The following CCDC14 variants were observed in gnomAD, a reference collection of about 807,000 sequenced individuals.
CCDC14 encodes coiled-coil domain containing 14, also known as coiled-coil domain-containing protein 14.
A neutral mutation model predicts 81.4 loss-of-function variants in CCDC14; 71 were observed. The ratio of observed to expected loss-of-function variants is 0.87; its 90% CI spans 0.72 to 1.06. CCDC14 has a LOEUF of 1.06. CCDC14 is among the 50% of genes least tolerant of loss of function. The probability of loss-of-function intolerance (pLI) is 0.00; values close to 1 mark genes in which losing one functional copy is unlikely to be tolerated. For missense variants in CCDC14, 1,046 were observed against 1,047.3 expected (o/e 1.00, Z 0.02); for synonymous variants, 332 against 364.8 (o/e 0.91, Z 1.03).
chr3:123,935,351 G>A (rs2148875010), intron 9 of CCDC14, among the ~76,000 whole-genome samples: 1 of 152,268 alleles, frequency 6.6e-6, no homozygotes. Flanking sequence ...AGTTTGAAAT[G>A]TCCAACAAAA....
rs1334570371 is a variant in CCDC14 at position 123,913,728 on chromosome 3, G to C, written c.*1051C>G. The C allele has an allele frequency of 3.4e-5, 33 of 983,142 alleles. No homozygotes were observed. The highest frequency in any genetic ancestry group is 3.9e-5 in the Non-Finnish European group (32 of 829,646). The allele number at this position is 983,142 out of a possible 1,614,324, so 60.9% of individuals were successfully genotyped here. On this transcript the variant is annotated 3_prime_UTR_variant, in exon 13 of 13. Coordinates refer to ENST00000409697, the MANE Select transcript of CCDC14 (RefSeq NM_001366335.1). ...AAAACACGAGGAGGTTCTGGGATTA[G>C]GAGAACACTCTTTAATGATAAAGCC...
At chr3:123,907,299 T>C (rs1335283288) in intron 5 of CCDC14, among the ~76,000 whole-genome samples, 3 of 152,326 alleles carry the variant, frequency 2.0e-5, no homozygotes, top group African/African-American at 7.2e-5. Context: ...TATGCATTAA[T>C]TTGTTTGGTG....
chr3:123,938,738 A>G (rs565183387), intron 9 of CCDC14, among the ~76,000 whole-genome samples: 1 of 152,074 alleles, frequency 6.6e-6, no homozygotes, highest in African/African-American at 2.4e-5. Flanking sequence ...AAATAATGGG[A>G]TAATATTACA....
chr3:123,931,513 C>G lies in CCDC14; in HGVS notation c.1440G>C (p.Gln480His). 1.9e-6 allele frequency: 3 copies of G among 1,552,162 alleles called. No individual in the cohort carries two copies. The highest frequency in any genetic ancestry group is 2.6e-6 in the Non-Finnish European group (3 of 1,147,112). Residue 480 changes from glutamine (Q) to histidine (H), a missense_variant, in exon 11 of 13, where the codon CAG (glutamine) becomes CAC (histidine). Coordinates refer to ENST00000409697, the MANE Select transcript of CCDC14 (RefSeq NM_001366335.1). ...GATTTTGCAGTGACATATTCAATGA[C>G]TGAAGAGAAAACACTGTTAAGACAA... ...VDCNLELFSL[Q>H]SLNMSLQNQL...
At position 123,956,461 on chromosome 3, in the gene CCDC14, AT is replaced by A; in HGVS notation, c.87-35del. 4 of 1,448,632 alleles carry A rather than the reference AT, an allele frequency of 2.8e-6. No homozygotes were observed. The East Asian group carries it at 7.5e-5, about 27-fold the overall frequency. 89.7% of individuals were successfully genotyped at this position (1,448,632 alleles called of 1,614,324 possible). ...CAAGCTTATTAATATTCTTACAAAT[AT>A]TTTTCCCAAAATATATTAGTAAGTA... On this transcript the variant is annotated intron_variant, in intron 2 of 12. Transcript: ENST00000409697.
rs145749134 is a variant in CCDC14, at chr3:123,902,982, C to T, written c.668-5369G>A. Among the ~76,000 whole-genome samples, 893 of 152,152 alleles carry T rather than the reference C, an allele frequency of 5.9e-3. 12 individuals are homozygous for T. Among genetic ancestry groups the T allele is most frequent in the African/African-American group, 0.02 (850 of 41,496 alleles). On this transcript the variant is annotated intron_variant, in intron 5 of 5. Transcript: ENST00000479903. ...CTCCCTCCCCTTGTCCTCCACCCACCGACAGGCCCCAGTGTGTGATGTTTC... is the reference window on the plus strand; with the variant it reads ...CTCCCTCCCCTTGTCCTCCACCCACTGACAGGCCCCAGTGTGTGATGTTTC...
intron 5 of CCDC14, among the ~76,000 whole-genome samples, chr3:123,900,104 C>G (rs2034149501): frequency 6.6e-6 from 1 of 152,126 alleles, no homozygotes; most frequent in Non-Finnish European, 1.5e-5. Flanking sequence ...AAATGGAGAG[C>G]TTGACACAAT....
intron 9 of CCDC14, among the ~76,000 whole-genome samples, chr3:123,938,842 A>G (rs1038032131): frequency 3.3e-5 from 5 of 151,986 alleles, no homozygotes; most frequent in South Asian, 4.1e-4. Flanking sequence ...TTAGGCAAAT[A>G]TTTCTTTACT....
rs767400450 is a variant in CCDC14 at position 123,948,750 on chromosome 3, A to G, written c.625T>C (p.Cys209Arg). 6.9e-6 allele frequency: 11 copies of G among 1,599,962 alleles called. No individual in the cohort carries two copies. The African/African-American group carries it at 1.4e-4, about 20-fold the overall frequency. ...AGTGACCAGACTGGGGTGGAGGTAC[A>G]TAAGCCATAACTAGAATGAGGAGTT... ...QATPHSSYGL[C>R]TSTPVWSLQR... is the part of the protein sequence containing the mutation. The change falls in exon 7 of 13, where the codon TGT (cysteine) becomes CGT (arginine). Residue 209 changes from cysteine to arginine, a missense_variant. Cys to Arg is a radical substitution (Grantham distance 180). Transcript: ENST00000409697.
In CCDC14 at chr3:123,945,004, C is replaced by A; in HGVS notation, c.1202-14G>T. On this transcript the variant is annotated splice_polypyrimidine_tract_variant and intron_variant, in intron 8 of 12. Transcript: ENST00000409697. ...TTTCTGAATCCTCTATAGAAGGCAA[C>A]AGAAATGAGTAAAATCAATATTATA... 1 of 1,553,832 alleles carries A rather than the reference C, an allele frequency of 6.4e-7. No individual in the cohort carries two copies. The highest frequency in any genetic ancestry group is 8.8e-7 in the Non-Finnish European group (1 of 1,139,198).
intron 10 of CCDC14, among the ~76,000 whole-genome samples, chr3:123,933,173 T>C (rs886873444): frequency 6.6e-6 from 1 of 152,106 alleles, no homozygotes; most frequent in Non-Finnish European, 1.5e-5. Context: ...AGATTTTCAC[T>C]GCAATGTTGT....
chr3:123,955,697 G>C, intron 5 of CCDC14, 146 bp downstream of exon 5: 1 of 613,026 alleles, frequency 1.6e-6, no homozygotes, highest in Non-Finnish European at 2.5e-6. Context: ...TCAGTGATTA[G>C]AAGCTGAATA....
intron 12 of CCDC14, 90 bp from the exon 13 acceptor site, chr3:123,915,808 T>C: frequency 1.0e-6 from 1 of 987,140 alleles, no homozygotes; most frequent in Non-Finnish European, 1.5e-6. Flanking sequence ...AAAAAGGATT[T>C]GAGAGAAGTG....
chr3:123,957,346 A>C (rs1388862494), intron 1 of CCDC14: 1 of 152,180 alleles, frequency 6.6e-6, no homozygotes, highest in African/African-American at 2.4e-5. Flanking sequence ...CACTAAGTTC[A>C]GACTATATTA....
chr3:123,941,319 T>C (rs1333957109), intron 9 of CCDC14, among the ~76,000 whole-genome samples: 1 of 151,874 alleles, frequency 6.6e-6, no homozygotes, highest in Non-Finnish European at 1.5e-5. Context: ...CAAAATATCA[T>C]AGAAACGATG....
In CCDC14 at chr3:123,931,387, A is replaced by T; in HGVS notation, c.1566T>A (p.Ser522Arg). The change falls in exon 11 of 13, where the codon AGT (serine) becomes AGA (arginine). Residue 522 changes from serine (S) to arginine (R), a missense_variant. Coordinates refer to ENST00000409697, the MANE Select transcript of CCDC14 (RefSeq NM_001366335.1). The part of the protein sequence containing the change: ...ENQKDENKKF[S>R]SIFKDKDQTI... ...TTTGATCTTTGTCTTTAAATATACT[A>T]CTAAATTTTTTGTTTTCATCTTTCT... 6.6e-7 allele frequency: 1 copy of T among 1,523,416 alleles called. No homozygotes were observed. Among genetic ancestry groups the T allele is most frequent in the Non-Finnish European group, 8.9e-7 (1 of 1,121,340 alleles). 94.4% of individuals were successfully genotyped at this position (1,523,416 alleles called of 1,614,324 possible).
At chr3:123,922,433 G>GT (rs920330151) in intron 12 of CCDC14, among the ~76,000 whole-genome samples, 10 of 151,990 alleles carry the variant, frequency 6.6e-5, no homozygotes, top group Non-Finnish European at 1.0e-4. Context: ...AACTGAGTTT[G>GT]TTTTTTTGGG....
chr3:123,956,724 G>C lies in CCDC14; in HGVS notation c.86+16C>G. ...TTCCTTGAAATCTGAAGTTGTAAACGTCTTCAAGTACTTACGCTTTCTTTC... is the reference window on the plus strand; with the variant it reads ...TTCCTTGAAATCTGAAGTTGTAAACCTCTTCAAGTACTTACGCTTTCTTTC... On this transcript the variant is annotated intron_variant, in intron 2 of 12. Coordinates refer to ENST00000409697, the MANE Select transcript of CCDC14 (RefSeq NM_001366335.1). 6.5e-7 allele frequency: 1 copy of C among 1,539,692 alleles called. No homozygotes were observed. Among genetic ancestry groups the C allele is most frequent in the Non-Finnish European group, 8.8e-7 (1 of 1,137,988 alleles).
chr3:123,906,056 C>T (rs572095252), intron 5 of CCDC14, among the ~76,000 whole-genome samples: 3 of 152,162 alleles, frequency 2.0e-5, no homozygotes, highest in South Asian at 2.1e-4. Flanking sequence ...TCAGGCCGGG[C>T]GCAGTGCTCA....
Sources: gnomAD v4.1 joint callset for allele counts (sites outside exome capture counted in the v4.1 genomes callset) on GRCh38, gnomAD v4.1.1 for gene constraint, MANE v1.5 for transcripts, NCBI Gene and HGNC (gene_info 2026-07-23, HGNC 2026-07-21) for gene names.